ST6GALNAC3: variants seen among roughly 807,000 people sequenced by gnomAD.
The protein encoded by ST6GALNAC3 is alpha-N-acetylgalactosaminide alpha-2,6-sialyltransferase 3.
In ST6GALNAC3, 25 loss-of-function variants were observed where a neutral mutation model predicts 32.7. That is an observed-to-expected ratio of 0.76 (90% CI 0.56 to 1.07). The LOEUF is 1.07. Ranked by LOEUF, ST6GALNAC3 falls within the 50% of genes least tolerant of loss-of-function variation. The pLI is 0.00. For missense variants in ST6GALNAC3, 355 were observed against 382.4 expected, an observed-to-expected ratio of 0.93 and a Z score of 0.60; for synonymous variants, 129 against 133.1, an observed-to-expected ratio of 0.97 and a Z score of 0.21.
chr1:76,309,352 T>C (rs78949908), intron 1 of ST6GALNAC3, among the ~76,000 whole-genome samples: 1 of 152,304 alleles, frequency 6.6e-6, no homozygotes, highest in East Asian at 1.9e-4. Flanking sequence ...TTCTTTAGTA[T>C]GTATTGCATG....
chr1:76,421,921 T>C (rs1655053748), intron 3 of ST6GALNAC3, among the ~76,000 whole-genome samples: 2 of 152,022 alleles, frequency 1.3e-5, no homozygotes, highest in South Asian at 2.1e-4. Flanking sequence ...TCACTTCTGA[T>C]GAGTCTACCA....
chr1:76,190,951 T>A (rs1054962963), intron 1 of ST6GALNAC3, among the ~76,000 whole-genome samples: 1 of 152,170 alleles, frequency 6.6e-6, no homozygotes, highest in African/African-American at 2.4e-5. Flanking sequence ...ACTGGCCACA[T>A]CAGCATCACT....
At chr1:76,113,544 G>C (rs2100814182) in intron 1 of ST6GALNAC3, among the ~76,000 whole-genome samples, 1 of 150,536 alleles carries the variant, frequency 6.6e-6, no homozygotes, top group South Asian at 2.1e-4. Context: ...TTTTTTCCAA[G>C]ATGGACACTC....
chr1:76,375,257 A>T (rs1171654093), intron 2 of ST6GALNAC3, among the ~76,000 whole-genome samples: 1 of 152,174 alleles, frequency 6.6e-6, no homozygotes, highest in Non-Finnish European at 1.5e-5. Context: ...GATTGAGTTG[A>T]TTGTTAAAAT....
In ST6GALNAC3 at chr1:76,629,135, T is replaced by A. The variant is rs1649164210; in HGVS notation, c.*329T>A. On this transcript the variant is annotated 3_prime_UTR_variant, in exon 5 of 5. Coordinates refer to ENST00000328299, the MANE Select transcript of ST6GALNAC3 (RefSeq NM_152996.4). ...TATCTTTCAAGATAGCTGCCTAGAA[T>A]TGTTCAACAGTGAGTAACTTCCAGA... 9.3e-7 allele frequency: 1 copy of A among 1,075,202 alleles called. No individual in the cohort carries two copies. The highest frequency in any genetic ancestry group is 4.2e-4 in the Middle Eastern group (1 of 2,398). The allele number at this position is 1,075,202 out of a possible 1,614,324, so 66.6% of individuals were successfully genotyped here. A position where few individuals can be genotyped will look rare whatever the true frequency, so the allele number is the denominator to read the frequency against.
intron 2 of ST6GALNAC3, among the ~76,000 whole-genome samples, chr1:76,334,831 C>T (rs994858254): frequency 1.1e-4 from 16 of 152,134 alleles, no homozygotes; most frequent in Admixed American, 3.3e-4. Context: ...CCAGGGTTTC[C>T]GATTCAGTAG....
intron 3 of ST6GALNAC3, among the ~76,000 whole-genome samples, chr1:76,484,887 A>T (rs1035520892): frequency 6.6e-6 from 1 of 152,148 alleles, no homozygotes; most frequent in African/African-American, 2.4e-5. Flanking sequence ...TTATTTTGAG[A>T]TACATCCCAT....
chr1:76,576,759 A>C, intron 3 of ST6GALNAC3: 2 of 1,048,564 alleles, frequency 1.9e-6, no homozygotes, highest in Non-Finnish European at 2.6e-6. Context: ...GGTATAAGGA[A>C]TGAGGGGGTT....
intron 3 of ST6GALNAC3, among the ~76,000 whole-genome samples, chr1:76,442,656 G>T (rs1024483502): frequency 6.6e-6 from 1 of 152,116 alleles, no homozygotes; most frequent in African/African-American, 2.4e-5. Context: ...TATTTGACAA[G>T]AACCCACTGA....
chr1:76,582,987 G>T (rs1020898171), intron 3 of ST6GALNAC3, among the ~76,000 whole-genome samples: 2 of 152,030 alleles, frequency 1.3e-5, no homozygotes, highest in Non-Finnish European at 2.9e-5. Flanking sequence ...TACTATTTGC[G>T]TATGTAATAG....
chr1:76,574,569 A>G (rs1354527416), intron 3 of ST6GALNAC3, among the ~76,000 whole-genome samples: 5 of 151,876 alleles, frequency 3.3e-5, no homozygotes, highest in African/African-American at 1.2e-4. Context: ...AGTAGCTCCA[A>G]TTTTCAAAAT....
intron 3 of ST6GALNAC3, among the ~76,000 whole-genome samples, chr1:76,483,699 T>C (rs1659896071): frequency 6.6e-6 from 1 of 152,234 alleles, no homozygotes; most frequent in Non-Finnish European, 1.5e-5. Context: ...GTAGTTTCTT[T>C]TGCTGTGCAG....
At chr1:76,425,707 C>A (rs536212326) in intron 3 of ST6GALNAC3, among the ~76,000 whole-genome samples, 36 of 152,036 alleles carry the variant, frequency 2.4e-4, no homozygotes, top group South Asian at 4.2e-4. Context: ...AGCTGAGAAA[C>A]CTTGCCGAGA....
At chr1:76,280,294 G>T (rs1257976277) in intron 1 of ST6GALNAC3, among the ~76,000 whole-genome samples, 1 of 152,056 alleles carries the variant, frequency 6.6e-6, no homozygotes, top group Non-Finnish European at 1.5e-5. Flanking sequence ...TATATTTGGG[G>T]TATATTCTCA....
intron 1 of ST6GALNAC3, among the ~76,000 whole-genome samples, chr1:76,238,028 A>T (rs181171722): frequency 9.7e-4 from 147 of 152,322 alleles, no homozygotes; most frequent in African/African-American, 3.1e-3. Context: ...CTCCTGTCAA[A>T]CTGTCCAACA....
intron 3 of ST6GALNAC3, among the ~76,000 whole-genome samples, chr1:76,531,487 T>C (rs1663252829): frequency 6.6e-6 from 1 of 152,150 alleles, no homozygotes; most frequent in African/African-American, 2.4e-5. Context: ...GACTGCCTGG[T>C]TGTATGACAA....
intron 3 of ST6GALNAC3, among the ~76,000 whole-genome samples, chr1:76,533,383 G>A (rs1271631897): frequency 3.3e-5 from 5 of 152,174 alleles, no homozygotes; most frequent in South Asian, 2.1e-4. Flanking sequence ...ACATGTGAAC[G>A]TCCACAGTGT....
At chr1:76,214,260 A>C (rs1382592768) in intron 1 of ST6GALNAC3, among the ~76,000 whole-genome samples, 1 of 152,210 alleles carries the variant, frequency 6.6e-6, no homozygotes, top group Non-Finnish European at 1.5e-5. Flanking sequence ...AGTGGTTGCC[A>C]TACTGGACAG....
chr1:76,178,334 A>G (rs1652971669), intron 1 of ST6GALNAC3, among the ~76,000 whole-genome samples: 1 of 152,334 alleles, frequency 6.6e-6, no homozygotes, highest in Admixed American at 6.5e-5. Context: ...ATTTCTCAGG[A>G]AAGTATTCTG....
Sources: gnomAD v4.1 joint callset for allele counts (sites outside exome capture counted in the v4.1 genomes callset) on GRCh38, gnomAD v4.1.1 for gene constraint, MANE v1.5 for transcripts, NCBI Gene and HGNC (gene_info 2026-07-23, HGNC 2026-07-21) for gene names.